MAML2: variants seen among roughly 807,000 people sequenced by gnomAD.
MAML2 encodes the protein mastermind like transcriptional coactivator 2.
Under a neutral mutation model 96.1 loss-of-function variants are expected in MAML2, and 22 were observed. The observed-to-expected ratio is 0.23, with a 90% CI of 0.16 to 0.33. MAML2 has a LOEUF of 0.33. MAML2 is among the 10% of genes least tolerant of loss of function. The probability of loss-of-function intolerance (pLI) is 1.00; values close to 1 mark genes in which losing one functional copy is unlikely to be tolerated. For synonymous variants in MAML2, 561 were observed against 521.3 expected (o/e 1.08, Z -1.04); for missense variants, 1,367 against 1,392.4 (o/e 0.98, Z 0.29).
chr11:96,300,656 C>T (rs1863373514), intron 1 of MAML2, among the ~76,000 whole-genome samples: 1 of 152,090 alleles, frequency 6.6e-6, no homozygotes, highest in South Asian at 2.1e-4. Flanking sequence ...TTTCAGTGTG[C>T]ACAATGGAAA....
chr11:96,246,848 C>T (rs1358536134), intron 1 of MAML2, among the ~76,000 whole-genome samples: 2 of 152,244 alleles, frequency 1.3e-5, no homozygotes, highest in East Asian at 1.9e-4. Flanking sequence ...TTGTCAATTA[C>T]GAATGGAGAA....
intron 1 of MAML2, among the ~76,000 whole-genome samples, chr11:96,239,981 G>C (rs1442358332): frequency 6.6e-6 from 1 of 152,056 alleles, no homozygotes; most frequent in Non-Finnish European, 1.5e-5. Flanking sequence ...TGAGATTAAG[G>C]GAATTTTTCT....
chr11:96,154,673 G>A (rs1860981819), intron 1 of MAML2, among the ~76,000 whole-genome samples: 1 of 152,180 alleles, frequency 6.6e-6, no homozygotes. Context: ...AGCAGGCACT[G>A]TGAATAAAAA....
chr11:96,325,334 G>A (rs1209382372), intron 1 of MAML2, among the ~76,000 whole-genome samples: 6 of 152,242 alleles, frequency 3.9e-5, no homozygotes, highest in South Asian at 2.1e-4. Context: ...TCTCTTAAAC[G>A]AGGGTAGTAA....
At chr11:96,243,705 G>A (rs1220227970) in intron 1 of MAML2, among the ~76,000 whole-genome samples, 2 of 149,174 alleles carry the variant, frequency 1.3e-5, no homozygotes, top group East Asian at 4.0e-4. Context: ...CCAGGCTGGA[G>A]TGCAGTGGCG....
intron 3 of MAML2, among the ~76,000 whole-genome samples, chr11:95,991,015 A>G (rs1857901270): frequency 6.6e-6 from 1 of 151,366 alleles, no homozygotes; most frequent in South Asian, 2.1e-4. Context: ...TCAACCTAAT[A>G]TATACAGTGC....
intron 1 of MAML2, among the ~76,000 whole-genome samples, chr11:96,102,067 G>C (rs1472626707): frequency 1.3e-5 from 2 of 152,222 alleles, no homozygotes; most frequent in Admixed American, 1.3e-4. Flanking sequence ...ACCAGGTCAG[G>C]AGATCGAGAC....
chr11:96,064,137 A>G (rs572592501), intron 2 of MAML2, among the ~76,000 whole-genome samples: 2 of 152,360 alleles, frequency 1.3e-5, no homozygotes, highest in South Asian at 4.1e-4. Context: ...AAGCACGGCA[A>G]TATTTACCCT....
chr11:96,143,018 GA>G (rs1264896786), intron 1 of MAML2, among the ~76,000 whole-genome samples: 1 of 152,114 alleles, frequency 6.6e-6, no homozygotes, highest in Non-Finnish European at 1.5e-5. Context: ...AGCTAAATGG[GA>G]AAAAATAGCA....
At position 95,979,217 on chromosome 11, in the gene MAML2, C is replaced by T. The variant is rs1480925894; in HGVS notation, c.3202G>A (p.Gly1068Arg). 1 of 1,614,014 alleles carries T rather than the reference C, an allele frequency of 6.2e-7. No homozygotes were observed. Among genetic ancestry groups the T allele is most frequent in the East Asian group, 2.2e-5 (1 of 44,882 alleles). ...ILPNLNQSGTGLNQSRTGINQ... is the reference protein window; with the variant it reads ...ILPNLNQSGTRLNQSRTGINQ... ...ATGCCCGTCCTCGACTGATTCAACC[C>T]TGTTCCTGACTGATTCAAATTAGGC... The change falls in exon 5 of 5, where the codon GGG becomes AGG. Residue 1068 changes from glycine to arginine, a missense_variant. Transcript: ENST00000524717.
chr11:96,225,985 C>T (rs1455333942), intron 1 of MAML2, among the ~76,000 whole-genome samples: 1 of 152,164 alleles, frequency 6.6e-6, no homozygotes, highest in Non-Finnish European at 1.5e-5. Flanking sequence ...CTGGAACCCA[C>T]CTTTAGTTGA....
At chr11:96,094,481 A>G (rs931731347) in intron 1 of MAML2, among the ~76,000 whole-genome samples, 1 of 152,244 alleles carries the variant, frequency 6.6e-6, no homozygotes, top group Non-Finnish European at 1.5e-5. Context: ...CAATTTGTAG[A>G]AAAAGTATGG....
At chr11:96,259,966 G>A (rs961719990) in intron 1 of MAML2, among the ~76,000 whole-genome samples, 1 of 148,692 alleles carries the variant, frequency 6.7e-6, no homozygotes, top group Non-Finnish European at 1.5e-5. Context: ...TTAAACATCA[G>A]TATGTCCTGT....
At chr11:96,192,680 G>A (rs1235129135) in intron 1 of MAML2, among the ~76,000 whole-genome samples, 2 of 152,170 alleles carry the variant, frequency 1.3e-5, no homozygotes, top group East Asian at 1.9e-4. Flanking sequence ...TTGGAATGAC[G>A]CCTTCTAACT....
At chr11:96,144,948 T>G (rs1418600929) in intron 1 of MAML2, among the ~76,000 whole-genome samples, 1 of 152,196 alleles carries the variant, frequency 6.6e-6, no homozygotes, top group African/African-American at 2.4e-5. Context: ...TCCAATGCAT[T>G]GGATTATTTT....
At chr11:96,271,402 G>A (rs1019851048) in intron 1 of MAML2, among the ~76,000 whole-genome samples, 3 of 152,126 alleles carry the variant, frequency 2.0e-5, no homozygotes, top group Admixed American at 1.3e-4. Context: ...GATTTGGGAG[G>A]GGCCAGGACT....
chr11:96,048,389 C>T (rs1858940187), intron 2 of MAML2, among the ~76,000 whole-genome samples: 1 of 152,030 alleles, frequency 6.6e-6, no homozygotes, highest in South Asian at 2.1e-4. Context: ...TATTTGATGT[C>T]CCAAATAAAT....
chr11:96,064,993 C>G (rs900590518), intron 2 of MAML2, among the ~76,000 whole-genome samples: 3 of 152,054 alleles, frequency 2.0e-5, no homozygotes, highest in African/African-American at 7.2e-5. Flanking sequence ...TGCCATAAAC[C>G]AAGAAGCCAA....
chr11:96,266,496 A>G (rs553419006), intron 1 of MAML2, among the ~76,000 whole-genome samples: 145 of 151,924 alleles, frequency 9.5e-4, no homozygotes, highest in African/African-American at 2.9e-3. Context: ...ACATGAACCC[A>G]GGAGGCGGAG....
Sources: allele counts gnomAD v4.1 joint callset (sites outside exome capture counted in the v4.1 genomes callset), GRCh38; gene constraint gnomAD v4.1.1; transcripts MANE v1.5; gene names NCBI Gene and HGNC (gene_info 2026-07-23, HGNC 2026-07-21).